BBS9: variants seen among roughly 807,000 people sequenced by gnomAD.
BBS9 encodes the protein Bardet-Biedl syndrome 9.
In BBS9, 89 loss-of-function variants were observed where a neutral mutation model predicts 117.7. That is an observed-to-expected ratio of 0.76 (90% CI 0.64 to 0.90). The LOEUF (loss-of-function observed/expected upper bound fraction) is 0.90. Among genes scored for constraint, BBS9 ranks in the 40% least tolerant of loss-of-function variants. The pLI, the probability that BBS9 is intolerant of heterozygous loss-of-function variation, is 0.00. For synonymous variants in BBS9, 379 were observed against 370.9 expected (o/e 1.02, Z -0.25); for missense variants, 982 against 1,042.2 (o/e 0.94, Z 0.80).
At chr7:33,176,880 G>A (rs527557466) in intron 4 of BBS9, among the ~76,000 whole-genome samples, 41 of 152,288 alleles carry the variant, frequency 2.7e-4, no homozygotes, top group African/African-American at 9.4e-4. Context: ...ACTAGAAAGT[G>A]AAGCACATGC....
At chr7:33,221,703 ATTGT>A (rs1377759544) in intron 5 of BBS9, among the ~76,000 whole-genome samples, 2 of 152,148 alleles carry the variant, frequency 1.3e-5, no homozygotes, top group African/African-American at 4.8e-5. Context: ...TGAATTTTTA[ATTGT>A]TTGTAAACTG....
intron 9 of BBS9, among the ~76,000 whole-genome samples, chr7:33,317,955 G>A (rs1436653368): frequency 1.3e-5 from 2 of 152,178 alleles, no homozygotes; most frequent in Non-Finnish European, 2.9e-5. Flanking sequence ...GCGAGGCTTA[G>A]GCATGAGAAT....
At chr7:33,606,327 T>C (rs140595273), downstream of BBS9, among the ~76,000 whole-genome samples, 327 of 152,300 alleles carry the variant, frequency 2.1e-3, 2 homozygotes, top group African/African-American at 7.7e-3. Context: ...AAAACAATTA[T>C]AGAGATGGTT....
At chr7:33,271,318 C>T (rs375255020) in intron 7 of BBS9, among the ~76,000 whole-genome samples, 7 of 152,114 alleles carry the variant, frequency 4.6e-5, no homozygotes, top group Non-Finnish European at 7.4e-5. Flanking sequence ...AACAAGTCTG[C>T]GTAATAACCA....
chr7:33,188,687 T>C (rs896703163), intron 5 of BBS9, among the ~76,000 whole-genome samples: 1 of 152,128 alleles, frequency 6.6e-6, no homozygotes, highest in African/African-American at 2.4e-5. Flanking sequence ...AGCTGGAGTA[T>C]TGGAAAGAAA....
chr7:33,293,636 A>C (rs368538497), intron 9 of BBS9, among the ~76,000 whole-genome samples: 2 of 152,206 alleles, frequency 1.3e-5, no homozygotes, highest in African/African-American at 4.8e-5. Flanking sequence ...GTATGCTATT[A>C]TTTCTTTCCA....
chr7:33,578,770 G>A (rs930357807), intron 21 of BBS9, among the ~76,000 whole-genome samples: 1 of 152,180 alleles, frequency 6.6e-6, no homozygotes, highest in Admixed American at 6.5e-5. Flanking sequence ...TGCCTGAGCT[G>A]TTAAAATCTA....
At chr7:33,376,439 A>G (rs374511623) in intron 17 of BBS9, among the ~76,000 whole-genome samples, 6 of 152,220 alleles carry the variant, frequency 3.9e-5, no homozygotes, top group African/African-American at 4.8e-5. Flanking sequence ...TATCTAGTCT[A>G]TTGTCAATGG....
chr7:33,362,526 C>G (rs569166349), intron 16 of BBS9, among the ~76,000 whole-genome samples: 8 of 152,248 alleles, frequency 5.3e-5, no homozygotes, highest in Admixed American at 3.3e-4. Context: ...CTATCCTTTT[C>G]CACTGAATTG....
chr7:33,300,594 T>G (rs1235073748), intron 9 of BBS9, among the ~76,000 whole-genome samples: 1 of 152,048 alleles, frequency 6.6e-6, no homozygotes, highest in East Asian at 1.9e-4. Context: ...AAAATTAACT[T>G]TGGATATGAC....
intron 18 of BBS9, among the ~76,000 whole-genome samples, chr7:33,384,715 T>TGTGTGAGAGAGAGA (rs370625971): frequency 1.3e-4 from 19 of 144,720 alleles, no homozygotes; most frequent in Non-Finnish European, 2.9e-4. Context: ...TGTGTGTGTG[T>TGTGTGAGAGAGAGA]GAGAGAGAGA....
upstream of BBS9, chr7:33,129,447 C>T: frequency 4.2e-6 from 1 of 240,568 alleles, no homozygotes; most frequent in Non-Finnish European, 8.0e-6. Context: ...TAATTCCAAC[C>T]GCGGCCCTCT....
chr7:33,528,711 A>G (rs1393321525), intron 20 of BBS9, among the ~76,000 whole-genome samples: 1 of 152,184 alleles, frequency 6.6e-6, no homozygotes, highest in Non-Finnish European at 1.5e-5. Context: ...CGTGTACCCT[A>G]GAGAGATTAA....
intron 21 of BBS9, among the ~76,000 whole-genome samples, chr7:33,633,746 A>T (rs1423581717): frequency 6.6e-6 from 1 of 152,112 alleles, no homozygotes; most frequent in East Asian, 1.9e-4. Flanking sequence ...TCCTCTTGTA[A>T]AAACTGTGTT....
chr7:33,181,606 A>C (rs1373166973), intron 5 of BBS9, among the ~76,000 whole-genome samples: 1 of 152,222 alleles, frequency 6.6e-6, no homozygotes, highest in Non-Finnish European at 1.5e-5. Flanking sequence ...GTTGTTAAAA[A>C]GCAGATCAGT....
intron 19 of BBS9, among the ~76,000 whole-genome samples, chr7:33,490,765 T>A (rs1843781225): frequency 2.0e-5 from 3 of 152,258 alleles, no homozygotes; most frequent in Admixed American, 2.0e-4. Context: ...ATAAACTTTA[T>A]TACTTTCCCA....
downstream of BBS9, among the ~76,000 whole-genome samples, chr7:33,609,607 C>T (rs1864759407): frequency 6.6e-6 from 1 of 152,030 alleles, no homozygotes; most frequent in South Asian, 2.1e-4. Context: ...ACTTGGGGTC[C>T]ATGAAACTGG....
At chr7:33,499,109 T>C (rs904908153) in intron 19 of BBS9, among the ~76,000 whole-genome samples, 1 of 152,214 alleles carries the variant, frequency 6.6e-6, no homozygotes, top group African/African-American at 2.4e-5. Context: ...TGCTATTTTA[T>C]AGATAAAACC....
chr7:33,490,739 A>G (rs1204872476), intron 19 of BBS9, among the ~76,000 whole-genome samples: 1 of 152,226 alleles, frequency 6.6e-6, no homozygotes, highest in Non-Finnish European at 1.5e-5. Flanking sequence ...CTTAGCTTCT[A>G]TTCTATTAAT....
Sources: gnomAD v4.1 joint callset for allele counts (sites outside exome capture counted in the v4.1 genomes callset) on GRCh38, gnomAD v4.1.1 for gene constraint, MANE v1.5 for transcripts, NCBI Gene and HGNC (gene_info 2026-07-23, HGNC 2026-07-21) for gene names.